ITFG2: variants seen among roughly 807,000 people sequenced by gnomAD.
ITFG2 encodes integrin alpha FG-GAP repeat containing 2.
ITFG2 carries 36 observed loss-of-function variants against 54.4 expected under a neutral mutation model. The ratio of observed to expected loss-of-function variants is 0.66; its 90% CI spans 0.51 to 0.87. ITFG2 has a LOEUF of 0.87. Among genes scored for constraint, ITFG2 ranks in the 40% least tolerant of loss-of-function variants. The pLI, the probability that ITFG2 is intolerant of heterozygous loss-of-function variation, is 0.00. For missense variants in ITFG2, 524 were observed against 576.7 expected, an observed-to-expected ratio of 0.91 and a Z score of 0.94; for synonymous variants, 211 against 225.4, an observed-to-expected ratio of 0.94 and a Z score of 0.57.
upstream of ITFG2, chr12:2,834,965 G>C (rs777953749): frequency 1.3e-6 from 2 of 1,585,788 alleles, no homozygotes; most frequent in Admixed American, 3.6e-5. Context: ...GGGAGGGAAA[G>C]AGGAAAAATA....
chr12:2,820,256 CAGGGAGCTGGGAGGAA>C, intron 5 of ITFG2, 31 bp downstream of exon 5: 1 of 1,543,986 alleles, frequency 6.5e-7, no homozygotes, highest in Admixed American at 2.0e-5. Flanking sequence ...AACAAGGCCC[CAGGGAGCTGGGAGGAA>C]GGTCTCCTGG....
chr12:2,831,593 A>G (rs1371867408), downstream of ITFG2, among the ~76,000 whole-genome samples: 1 of 151,854 alleles, frequency 6.6e-6, no homozygotes, highest in African/African-American at 2.4e-5. Flanking sequence ...CAAAAAAAAA[A>G]ACCAAACAAA....
chr12:2,830,575 A>T, intron 2 of ITFG2: 1 of 912,342 alleles, frequency 1.1e-6, no homozygotes, highest in Non-Finnish European at 1.6e-6. Flanking sequence ...GATCCTGGTT[A>T]GGTCCAGGCT....
At chr12:2,855,002 T>C in intron 2 of ITFG2, 1 of 1,536,166 alleles carries the variant, frequency 6.5e-7, no homozygotes. Context: ...TCCTTCACTG[T>C]CCTGAAAATC....
At position 2,824,269 on chromosome 12, in the gene ITFG2, C is replaced by A; in HGVS notation, c.*76C>A. 7.1e-7 allele frequency: 1 copy of A among 1,416,080 alleles called. No individual in the cohort carries two copies. The highest frequency in any genetic ancestry group is 1.0e-6 in the Non-Finnish European group (1 of 1,003,022). The allele number at this position is 1,416,080 out of a possible 1,614,324, so 87.7% of individuals were successfully genotyped here. A position where few individuals can be genotyped will look rare whatever the true frequency, so the allele number is the denominator to read the frequency against. On this transcript the variant is annotated 3_prime_UTR_variant, in exon 12 of 12. Transcript: ENST00000228799. ...CCCCTAAAGGTATCTGTGGTATTGG[C>A]AGGATAGGGAATATGCATTACAGAA...
At chr12:2,827,401 C>G (rs1308783609), downstream of ITFG2, 3 of 1,522,952 alleles carry the variant, frequency 2.0e-6, no homozygotes, top group East Asian at 2.3e-5. The surrounding 1 kb of genome is among the most constrained non-coding windows in gnomAD (Gnocchi z 4.0). Context: ...CTTCCACCTG[C>G]CTTTTGCTCT....
downstream of ITFG2, chr12:2,825,101 T>C (rs1485571416): frequency 6.6e-6 from 1 of 152,204 alleles, no homozygotes; most frequent in African/African-American, 2.4e-5. Context: ...TAGGTAAGTA[T>C]TGTTTTGTTA....
At chr12:2,853,397 T>C (rs1174671407) in intron 2 of ITFG2, among the ~76,000 whole-genome samples, 1 of 152,080 alleles carries the variant, frequency 6.6e-6, no homozygotes, top group South Asian at 2.1e-4. Context: ...CTCAGCCTCC[T>C]GAGTAGCTGG....
intron 2 of ITFG2, chr12:2,830,085 T>A (rs1985451): frequency 0.28 from 41,522 of 150,050 alleles, 6,734 homozygotes; most frequent in East Asian, 0.47. Context: ...TCAAAAAAAA[T>A]TTTTTTTTTT....
chr12:2,827,193 G>C, downstream of ITFG2: 1 of 1,614,006 alleles, frequency 6.2e-7, no homozygotes, highest in East Asian at 2.2e-5. The surrounding 1 kb of genome is among the most constrained non-coding windows in gnomAD (Gnocchi z 4.0). Context: ...TCTGGGGACT[G>C]ACTGAGACAG....
Position 2,820,745 on chromosome 12 carries a change from C to T in ITFG2, c.568C>T (p.Leu190=). The T allele has an allele frequency of 6.2e-7, 1 of 1,613,568 alleles. No homozygotes were observed. Among genetic ancestry groups the T allele is most frequent in the Non-Finnish European group, 8.5e-7 (1 of 1,179,770 alleles). ...EGQVDSLSVT[L]GPLGLPELMV... is the part of the protein sequence containing the mutation. ...GCAGGTGGACAGCCTCTCAGTGACT[C>T]TGGGGCCACTGGGTCTTCCTGAACT... Residue 190 remains leucine, a synonymous_variant, in exon 6 of 12, where the codon CTG becomes TTG. Coordinates refer to ENST00000228799, the MANE Select transcript of ITFG2 (RefSeq NM_018463.4).
intron 2 of ITFG2, among the ~76,000 whole-genome samples, chr12:2,846,065 C>G (rs1054342371): frequency 6.6e-6 from 1 of 152,122 alleles, no homozygotes; most frequent in Non-Finnish European, 1.5e-5. Context: ...ATTGCTGCCC[C>G]GCAGACCCCC....
Position 2,823,920 on chromosome 12 carries a change from G to T in ITFG2, c.1217G>T (p.Ser406Ile). Reference protein sequence around the residue: ...KLLETKPEYHSLLQELGVDPD... With the variant: ...KLLETKPEYHILLQELGVDPD... ...CTGGAGACCAAGCCGGAGTACCACA[G>T]CCTGCTGCAGGAGCTGGGCGTGGGT... The change falls in exon 11 of 12, where the codon AGC (serine) becomes ATC (isoleucine). Residue 406 changes from serine (S) to isoleucine (I), a missense_variant. Coordinates refer to ENST00000228799, the MANE Select transcript of ITFG2 (RefSeq NM_018463.4). 1 of 1,613,472 alleles carries T rather than the reference G, an allele frequency of 6.2e-7. No homozygotes were observed. The highest frequency in any genetic ancestry group is 1.1e-5 in the South Asian group (1 of 90,982).
At chr12:2,843,404 T>G (rs1280909146) in intron 2 of ITFG2, among the ~76,000 whole-genome samples, 2 of 152,198 alleles carry the variant, frequency 1.3e-5, no homozygotes, top group Non-Finnish European at 2.9e-5. Flanking sequence ...ACGCTAGGAT[T>G]ATTTTCCTGT....
intron 3 of ITFG2, chr12:2,859,001 G>A: frequency 6.2e-7 from 1 of 1,613,326 alleles, no homozygotes; most frequent in Non-Finnish European, 8.5e-7. Flanking sequence ...AGGCACCCTG[G>A]GAGGTTTGTA....
At chr12:2,816,031 ATTTTTT>A (rs35664869) in intron 1 of ITFG2, among the ~76,000 whole-genome samples, 2 of 133,256 alleles carry the variant, frequency 1.5e-5, no homozygotes, top group African/African-American at 5.6e-5. Context: ...CACCTGGATA[ATTTTTT>A]TTTTTTTTTT....
chr12:2,830,889 G>C, exon 3 of ITFG2: 1 of 1,605,682 alleles, frequency 6.2e-7, no homozygotes, highest in Non-Finnish European at 8.5e-7. Flanking sequence ...AATGAAGGTA[G>C]GCAGTTCTAA....
In ITFG2 at chr12:2,859,127, G is replaced by A. The variant is rs773778648; in HGVS notation, n.621-407G>A. On this transcript the variant is annotated intron_variant and non_coding_transcript_variant, in intron 3 of 3. Coordinates refer to the ITFG2 transcript ENST00000537710. ...AGGAGATGGGCAGCGTTTCCTTAAT[G>A]GGTGTCTTAAAAGGTCCTCCCACTT... 8 of 1,606,380 alleles carry A rather than the reference G, an allele frequency of 5.0e-6. 2 individuals are homozygous for A. In the South Asian group the frequency reaches 8.8e-5, roughly 18 times the overall value.
chr12:2,855,197 A>G (rs2098083529), intron 2 of ITFG2: 1 of 1,507,912 alleles, frequency 6.6e-7, no homozygotes, highest in East Asian at 2.5e-5. Flanking sequence ...TGGGTGGGGA[A>G]GGTGGCAGGC....
Sources: gnomAD v4.1 joint callset for allele counts (sites outside exome capture counted in the v4.1 genomes callset) on GRCh38, gnomAD v4.1.1 for gene constraint, Gnocchi (gnomAD v3.1) non-coding constraint, MANE v1.5 for transcripts, NCBI Gene and HGNC (gene_info 2026-07-23, HGNC 2026-07-21) for gene names.